The following PMFBP1 variants were observed in gnomAD, a reference collection of about 807,000 sequenced individuals.
PMFBP1 encodes polyamine-modulated factor 1-binding protein 1.
Under a neutral mutation model 137.8 loss-of-function variants are expected in PMFBP1, and 131 were observed. The ratio of observed to expected loss-of-function variants is 0.95; its 90% CI spans 0.82 to 1.10. The LOEUF (loss-of-function observed/expected upper bound fraction) is 1.10, where lower values mean the gene tolerates loss of function less well. PMFBP1 is among the 50% of genes least tolerant of loss of function. The pLI, the probability that PMFBP1 is intolerant of heterozygous loss-of-function variation, is 0.00. For synonymous variants in PMFBP1, 490 were observed against 450.4 expected (o/e 1.09, Z -1.11); for missense variants, 1,199 against 1,175.4 (o/e 1.02, Z -0.29).
At chr16:72,153,921 TACACACACACACACACAC>T (rs3223525) in intron 4 of PMFBP1, among the ~76,000 whole-genome samples, 2 of 134,046 alleles carry the variant, frequency 1.5e-5, no homozygotes, top group Middle Eastern at 3.5e-3. Flanking sequence ...GATGGACTTA[TACACACACACACACACAC>T]ACACACACAC....
chr16:72,132,907 CCTT>C lies in PMFBP1; in HGVS notation c.1285_1287del (p.Lys429del). On this transcript the variant is annotated inframe_deletion, in exon 10 of 21. Transcript: ENST00000237353. ...GCCATGCACTGCTGCTTCTCCAGCT[CCTT>C]CTCCTTTTTCAGGAGGCTGTTCTGA... is the stretch of plus-strand genomic sequence containing the variant. 1 of 1,614,236 alleles carries C rather than the reference CCTT, an allele frequency of 6.2e-7. No individual in the cohort carries two copies. Among genetic ancestry groups the C allele is most frequent in the Non-Finnish European group, 8.5e-7 (1 of 1,180,056 alleles).
chr16:72,164,252 C>A, intron 3 of PMFBP1: 1 of 452,640 alleles, frequency 2.2e-6, no homozygotes, highest in South Asian at 1.9e-5. Context: ...GGGGCATTAA[C>A]TCTTGAGAAC....
At chr16:72,229,120 C>T in the PMFBP1 span, among the ~76,000 whole-genome samples, 3 of 152,024 alleles carry the variant, frequency 2.0e-5, no homozygotes, top group Admixed American at 2.0e-4. Context: ...TTTTCTGTTC[C>T]TATGTTAGTG....
the PMFBP1 span, among the ~76,000 whole-genome samples, chr16:72,223,771 T>C: frequency 2.6e-3 from 389 of 152,242 alleles, 3 homozygotes; most frequent in Non-Finnish European, 8.8e-4. Context: ...TATCAGAGGA[T>C]GGGGCTACAG....
At chr16:72,196,444 G>A in the PMFBP1 span, among the ~76,000 whole-genome samples, 1 of 152,238 alleles carries the variant, frequency 6.6e-6, no homozygotes, top group Middle Eastern at 3.4e-3. Flanking sequence ...CCTCTGACAT[G>A]TGCAGTTAGC....
chr16:72,222,641 G>C, the PMFBP1 span, among the ~76,000 whole-genome samples: 5 of 152,142 alleles, frequency 3.3e-5, no homozygotes, highest in African/African-American at 7.2e-5. Flanking sequence ...CCAGATGTTA[G>C]ACTGCCGACT....
chr16:72,202,755 C>T, the PMFBP1 span, among the ~76,000 whole-genome samples: 93 of 152,332 alleles, frequency 6.1e-4, no homozygotes, highest in Non-Finnish European at 7.8e-4. Flanking sequence ...ACCTGCTCCT[C>T]GGGCTTTTGA....
At chr16:72,131,066 T>A (rs899039623) in intron 10 of PMFBP1, among the ~76,000 whole-genome samples, 1 of 152,184 alleles carries the variant, frequency 6.6e-6, no homozygotes, top group Non-Finnish European at 1.5e-5. Flanking sequence ...AACACTGTCA[T>A]GTTAAACTCG....
chr16:72,217,594 G>T, the PMFBP1 span, among the ~76,000 whole-genome samples: 1 of 152,208 alleles, frequency 6.6e-6, no homozygotes. Context: ...GCTCACATCT[G>T]TAATCCCAAC....
At chr16:72,128,009 T>A (rs1221485334) in intron 14 of PMFBP1, among the ~76,000 whole-genome samples, 2 of 152,234 alleles carry the variant, frequency 1.3e-5, no homozygotes, top group African/African-American at 4.8e-5. Flanking sequence ...GGAGAAAGTA[T>A]GGCTGCTTAT....
the PMFBP1 span, among the ~76,000 whole-genome samples, chr16:72,192,833 C>T: frequency 1.0e-4 from 15 of 147,272 alleles, no homozygotes; most frequent in Admixed American, 7.6e-4. Flanking sequence ...ACTCGGGAGG[C>T]GAAAGTCGCA....
At chr16:72,229,845 T>G in the PMFBP1 span, among the ~76,000 whole-genome samples, 1 of 152,140 alleles carries the variant, frequency 6.6e-6, no homozygotes, top group Non-Finnish European at 1.5e-5. Context: ...TGGCTATTTT[T>G]TTTGCGGTGC....
At chr16:72,202,107 G>A in the PMFBP1 span, among the ~76,000 whole-genome samples, 1 of 152,146 alleles carries the variant, frequency 6.6e-6, no homozygotes, top group South Asian at 2.1e-4. Context: ...TACACAAAAG[G>A]TGCTGAGTAG....
intron 6 of PMFBP1, 99 bp from the exon 7 acceptor site, chr16:72,139,498 G>T: frequency 1.0e-6 from 1 of 977,186 alleles, no homozygotes; most frequent in Non-Finnish European, 1.6e-6. Flanking sequence ...GCATAAGTTT[G>T]TTGCAGAATT....
At chr16:72,138,912 C>CAAAAAAA (rs35349842) in intron 7 of PMFBP1, among the ~76,000 whole-genome samples, 2 of 120,158 alleles carry the variant, frequency 1.7e-5, no homozygotes, top group Non-Finnish European at 1.9e-5. Context: ...ACAGAGTTCT[C>CAAAAAAA]AAAAAAAAAA....
the PMFBP1 span, among the ~76,000 whole-genome samples, chr16:72,244,773 T>A: frequency 6.6e-6 from 1 of 152,214 alleles, no homozygotes; most frequent in Non-Finnish European, 1.5e-5. Context: ...AGGCTAAATT[T>A]TATTTCTTCC....
At chr16:72,236,564 C>G in the PMFBP1 span, among the ~76,000 whole-genome samples, 1 of 152,184 alleles carries the variant, frequency 6.6e-6, no homozygotes, top group Admixed American at 6.5e-5. Flanking sequence ...TTAAGGCCAT[C>G]ATTCCTTCTG....
Position 72,119,327 on chromosome 16 carries a change from A to G in PMFBP1, c.*11T>C. 6.2e-7 allele frequency: 1 copy of G among 1,613,116 alleles called. No individual in the cohort carries two copies. Among genetic ancestry groups the G allele is most frequent in the Non-Finnish European group, 8.5e-7 (1 of 1,179,044 alleles). ...ACCCGTGGAAATGCTGCTCAGGGCT[A>G]GATGTGGATTCTAGCAGTATGAGGA... On this transcript the variant is annotated 3_prime_UTR_variant, in exon 21 of 21. Coordinates refer to ENST00000237353, the MANE Select transcript of PMFBP1 (RefSeq NM_031293.3).
Position 72,124,802 on chromosome 16 carries a change from C to T in PMFBP1, c.2554G>A (p.Ala852Thr), listed in dbSNP as rs369149795. ...QLREFQEEMAALKENLLEDDK... is the reference protein window; with the variant it reads ...QLREFQEEMATLKENLLEDDK... ...TCCTCAAGGAGGTTCTCTTTTAAGG[C>T]GGCCATCTCCTCCTGGAACTCCCTG... Residue 852 changes from alanine to threonine, a missense_variant, in exon 17 of 21, where the codon GCC becomes ACC. By Grantham distance (58) the Ala-to-Thr change is moderately conservative. Transcript: ENST00000237353. 1.5e-5 allele frequency: 25 copies of T among 1,613,982 alleles called. No individual in the cohort carries two copies. Among genetic ancestry groups the T allele is most frequent in the Non-Finnish European group, 1.9e-5 (23 of 1,179,990 alleles).
Sources: gnomAD v4.1 joint callset for allele counts (sites outside exome capture counted in the v4.1 genomes callset) on GRCh38, gnomAD v4.1.1 for gene constraint, MANE v1.5 for transcripts, NCBI Gene and HGNC (gene_info 2026-07-23, HGNC 2026-07-21) for gene names.